FAM98B: variants seen among roughly 807,000 people sequenced by gnomAD.
The protein encoded by FAM98B is tRNA splicing ligase complex subunit 3B, also known as tRNA-splicing ligase complex subunit FAM98B.
A neutral mutation model predicts 43.9 loss-of-function variants in FAM98B; 32 were observed. The ratio of observed to expected loss-of-function variants is 0.73; its 90% confidence interval spans 0.55 to 0.98. The LOEUF (loss-of-function observed/expected upper bound fraction) is 0.98. Among genes scored for constraint, FAM98B ranks in the 50% least tolerant of loss-of-function variants. FAM98B has a pLI of 0.00. For synonymous variants in FAM98B, 190 were observed against 174.0 expected, an observed-to-expected ratio of 1.09 and a Z score of -0.72; for missense variants, 514 against 522.9, an observed-to-expected ratio of 0.98 and a Z score of 0.17.
chr15:38,463,973 G>T, intron 1 of FAM98B, 59 bp from the exon 2 acceptor site: 1 of 1,487,982 alleles, frequency 6.7e-7, no homozygotes, highest in Non-Finnish European at 9.1e-7. Flanking sequence ...ACAGAGTGTT[G>T]GAGGTTTTTT....
intron 1 of FAM98B, among the ~76,000 whole-genome samples, chr15:38,463,787 G>C (rs1325627545): frequency 6.6e-6 from 1 of 152,102 alleles, no homozygotes; most frequent in Non-Finnish European, 1.5e-5. Flanking sequence ...TAATTATATA[G>C]AGCAGGAATC....
At position 38,484,599 on chromosome 15, in the gene FAM98B, T is replaced by C; in HGVS notation, c.1242T>C (p.Tyr414=). 8.1e-7 allele frequency: 1 copy of C among 1,227,996 alleles called. No homozygotes were observed. Among genetic ancestry groups the C allele is most frequent in the Non-Finnish European group, 1.0e-6 (1 of 968,506 alleles). The allele number at this position is 1,227,996 out of a possible 1,614,324, so 76.1% of individuals were successfully genotyped here. The change falls in exon 8 of 8, where the codon TAT becomes TAC. Residue 414 remains tyrosine, a synonymous_variant. Coordinates refer to ENST00000397609, the MANE Select transcript of FAM98B (RefSeq NM_173611.4). ...GTGGAAGAGGCTATGGAGATCCATA[T>C]GGAGGAGGTGGTGGTGGTGGTGGTG... ...GYGGRGYGDP[Y]GGGGGGGGGG...
At position 38,482,310 on chromosome 15, in the gene FAM98B, A is replaced by G. The variant is rs143295218; in HGVS notation, c.897+851A>G. 367 of 152,344 alleles carry G rather than the reference A, an allele frequency of 2.4e-3. 1 individual carries two copies. The highest frequency in any genetic ancestry group is 8.5e-3 in the African/African-American group (352 of 41,578). 9.4% of individuals were successfully genotyped at this position (152,344 alleles called of 1,614,324 possible). On this transcript the variant is annotated intron_variant, in intron 7 of 7. Transcript: ENST00000397609. ...ATGTTCTGAAAGTGTTCTCTCTTTA[A>G]ATATATTACCTAACATCTTGCATTG... is the stretch of plus-strand genomic sequence containing the variant.
chr15:38,481,256 C>G (rs760884102), intron 6 of FAM98B, 36 bp from the exon 7 acceptor site: 2 of 1,544,194 alleles, frequency 1.3e-6, no homozygotes, highest in Non-Finnish European at 1.8e-6. Context: ...TTAAAATGTA[C>G]TTTTGTTCCT....
At chr15:38,484,150 G>A (rs1890327711) in intron 7 of FAM98B, 105 bp from the exon 8 acceptor site, 1 of 990,498 alleles carries the variant, frequency 1.0e-6, no homozygotes, top group South Asian at 1.5e-5. Context: ...GTACTTTCAT[G>A]TCCTTAAATA....
chr15:38,481,737 TA>T, intron 7 of FAM98B: 1 of 955,054 alleles, frequency 1.0e-6, no homozygotes, highest in Non-Finnish European at 1.5e-6. Context: ...TTCTAAAAAG[TA>T]ATCATTTTTT....
rs8030506 is a variant in FAM98B at position 38,465,872 on chromosome 15, T to G, written c.352+469T>G. 2.4e-3 allele frequency among the ~76,000 whole-genome samples: 372 copies of G among 152,258 alleles called. 1 individual carries two copies. The highest frequency in any genetic ancestry group is 8.1e-3 in the African/African-American group (338 of 41,548). On this transcript the variant is annotated intron_variant, in intron 3 of 7. Transcript: ENST00000397609. ...TTAAAAAATATAAAATTTGTGCCTT[T>G]AGGACACTTTAAATGTGGCCAGTTT...
intron 1 of FAM98B, among the ~76,000 whole-genome samples, chr15:38,454,870 C>T (rs181679293): frequency 6.6e-6 from 1 of 152,208 alleles, no homozygotes; most frequent in Non-Finnish European, 1.5e-5. Flanking sequence ...GGCTGCAAGT[C>T]TGCTGCCGGC....
intron 4 of FAM98B, among the ~76,000 whole-genome samples, chr15:38,470,911 TAAAA>T (rs1890121922): frequency 6.6e-6 from 1 of 151,946 alleles, no homozygotes; most frequent in Non-Finnish European, 1.5e-5. Context: ...TGGGGGTAGT[TAAAA>T]ACAACTACAA....
At chr15:38,473,981 A>G (rs532253965) in intron 5 of FAM98B, among the ~76,000 whole-genome samples, 2 of 152,310 alleles carry the variant, frequency 1.3e-5, no homozygotes, top group Admixed American at 1.3e-4. Flanking sequence ...TGTATGTTTA[A>G]TGTCTTCTGG....
At chr15:38,481,793 G>C (rs144911866) in intron 7 of FAM98B, 1 of 564,282 alleles carries the variant, frequency 1.8e-6, no homozygotes, top group African/African-American at 1.9e-5. Flanking sequence ...TGACAGATTC[G>C]TTATATCCTT....
chr15:38,464,538 T>A (rs1012321062), intron 2 of FAM98B, among the ~76,000 whole-genome samples: 2 of 151,924 alleles, frequency 1.3e-5, no homozygotes, highest in Non-Finnish European at 2.9e-5. Context: ...TAAAATATTA[T>A]ATATATATAA....
chr15:38,484,289 G>A lies in FAM98B; in HGVS notation c.932G>A (p.Arg311Gln), dbSNP rs1195720656. Residue 311 changes from arginine to glutamine, a missense_variant, in exon 8 of 8, where the codon CGG becomes CAG. Around this residue, in one of 2 missense-constraint regions of FAM98B, gnomAD observed 469 missense variants for 451.8 expected, o/e 1.04. Coordinates refer to ENST00000397609, the MANE Select transcript of FAM98B (RefSeq NM_173611.4). ...LMGRVPDRGGRPNEIEPPPPE... is the reference protein window; with the variant it reads ...LMGRVPDRGGQPNEIEPPPPE... ...GGAAGGGTGCCTGACAGGGGAGGCC[G>A]GCCGAATGAAATTGAACCACCACCT... is the stretch of plus-strand genomic sequence containing the variant. The A allele has an allele frequency of 9.0e-6, 14 of 1,549,850 alleles. No homozygotes were observed. The highest frequency in any genetic ancestry group is 1.7e-4 in the Middle Eastern group (1 of 5,866).
In FAM98B at chr15:38,473,592, C is replaced by A; in HGVS notation, c.612+7C>A. On this transcript the variant is annotated splice_region_variant and intron_variant, in intron 5 of 7. Transcript: ENST00000397609. Reference sequence around the variant, plus strand: ...TTTAAATTCAGAACAGGCGGTAAATCCCCCTTTTTGTTATTAGTTTTATGT... The same window carrying A: ...TTTAAATTCAGAACAGGCGGTAAATACCCCTTTTTGTTATTAGTTTTATGT... 6.3e-7 allele frequency: 1 copy of A among 1,599,854 alleles called. No homozygotes were observed. The highest frequency in any genetic ancestry group is 8.5e-7 in the Non-Finnish European group (1 of 1,173,750).
chr15:38,454,315 T>TG, intron 1 of FAM98B, 83 bp downstream of exon 1: 1 of 1,449,738 alleles, frequency 6.9e-7, no homozygotes, highest in Non-Finnish European at 9.5e-7. Context: ...CTTGGGCCTC[T>TG]GTGGGCCTGG....
At position 38,464,061 on chromosome 15, in the gene FAM98B, C is replaced by A; in HGVS notation, c.101C>A (p.Ala34Asp). 2 of 1,612,534 alleles carry A rather than the reference C, an allele frequency of 1.2e-6. No individual in the cohort carries two copies. The highest frequency in any genetic ancestry group is 1.7e-6 in the Non-Finnish European group (2 of 1,179,222). Residue 34 changes from alanine to aspartate, a missense_variant, in exon 2 of 8, where the codon GCC becomes GAC. Ala to Asp is a moderately radical substitution (Grantham distance 126, BLOSUM62 -2). This residue lies in a region of FAM98B where 469 missense variants were observed against 451.8 expected (regional missense o/e 1.04). Coordinates refer to ENST00000397609, the MANE Select transcript of FAM98B (RefSeq NM_173611.4). ...GYKGPLLEEQALTKAAEGGLS... is the reference protein window; with the variant it reads ...GYKGPLLEEQDLTKAAEGGLS... Reference sequence around the variant, plus strand: ...AAAGGACCATTGTTAGAAGAGCAAGCCCTTACAAAGGCGGCAGAGGGTGGA... The same window carrying A: ...AAAGGACCATTGTTAGAAGAGCAAGACCTTACAAAGGCGGCAGAGGGTGGA...
In FAM98B at chr15:38,481,386, G is replaced by C. The variant is rs775306766; in HGVS notation, c.824G>C (p.Arg275Pro). ...ACAATGGCACATCTACTTGCTGCTC[G>C]TGAAGATCTATCCAAGATCATTAGG... is the stretch of plus-strand genomic sequence containing the variant. ...TITMAHLLAA[R>P]EDLSKIIRTS... Residue 275 changes from arginine to proline, a missense_variant, in exon 7 of 8, where the codon CGT becomes CCT. Coordinates refer to ENST00000397609, the MANE Select transcript of FAM98B (RefSeq NM_173611.4). The C allele has an allele frequency of 2.5e-6, 4 of 1,614,130 alleles. No individual in the cohort carries two copies. Among genetic ancestry groups the C allele is most frequent in the Non-Finnish European group, 3.4e-6 (4 of 1,180,016 alleles).
chr15:38,479,072 T>G (rs918896858), intron 6 of FAM98B, among the ~76,000 whole-genome samples: 1 of 152,044 alleles, frequency 6.6e-6, no homozygotes, highest in African/African-American at 2.4e-5. Context: ...CCTCCCACTG[T>G]GGCCTTCGCT....
chr15:38,466,481 C>G (rs1174533663), intron 3 of FAM98B, among the ~76,000 whole-genome samples: 5 of 152,128 alleles, frequency 3.3e-5, no homozygotes, highest in Non-Finnish European at 7.4e-5. Flanking sequence ...TGTAATCCAT[C>G]ATGGTTCCCT....
Sources: allele counts gnomAD v4.1 joint callset (sites outside exome capture counted in the v4.1 genomes callset), GRCh38; gene constraint gnomAD v4.1.1; regional missense constraint gnomAD v4.1.1; transcripts MANE v1.5; gene names NCBI Gene and HGNC (gene_info 2026-07-23, HGNC 2026-07-21).